Variants in EPB41L3 observed in about 807,000 individuals in gnomAD.
EPB41L3 encodes erythrocyte membrane protein band 4.1 like 3.
A neutral mutation model predicts 127.1 loss-of-function variants in EPB41L3; 57 were observed. The ratio of observed to expected loss-of-function variants is 0.45; its 90% CI spans 0.36 to 0.56. The LOEUF (loss-of-function observed/expected upper bound fraction) is 0.56. Among genes scored for constraint, EPB41L3 ranks in the 20% least tolerant of loss-of-function variants. The pLI is 0.00. For missense variants in EPB41L3, 1,273 were observed against 1,372.2 expected, an observed-to-expected ratio of 0.93 and a Z score of 1.14; for synonymous variants, 572 against 549.5, an observed-to-expected ratio of 1.04 and a Z score of -0.57.
chr18:5,492,326 A>C (rs1224920452), intron 1 of EPB41L3, among the ~76,000 whole-genome samples: 1 of 121,654 alleles, frequency 8.2e-6, no homozygotes, highest in Non-Finnish European at 1.6e-5. Context: ...TCTCAAAAAA[A>C]TAAATACAAT....
chr18:5,494,162 C>G (rs1006588893), intron 1 of EPB41L3, among the ~76,000 whole-genome samples: 3 of 152,082 alleles, frequency 2.0e-5, no homozygotes, highest in Non-Finnish European at 4.4e-5. Context: ...GAACATTTTT[C>G]CATCCAAACC....
chr18:5,596,805 G>A (rs935207297), intron 3 of EPB41L3, among the ~76,000 whole-genome samples: 7 of 152,112 alleles, frequency 4.6e-5, no homozygotes, highest in East Asian at 1.9e-4. Context: ...GATTCTTTTC[G>A]TGAGGTCATT....
intron 1 of EPB41L3, among the ~76,000 whole-genome samples, chr18:5,527,147 A>G (rs1292872266): frequency 6.6e-6 from 1 of 152,148 alleles, no homozygotes; most frequent in East Asian, 1.9e-4. Context: ...TTATCCCAAA[A>G]AGCATAAAGA....
intron 3 of EPB41L3, among the ~76,000 whole-genome samples, chr18:5,549,850 C>G (rs797015814): frequency 1.4e-4 from 21 of 152,182 alleles, no homozygotes; most frequent in African/African-American, 5.1e-4. Context: ...GAACCGAAAA[C>G]GGGTGGAAAA....
intron 3 of EPB41L3, among the ~76,000 whole-genome samples, chr18:5,452,180 T>C (rs1168402776): frequency 6.6e-6 from 1 of 152,164 alleles, no homozygotes; most frequent in East Asian, 1.9e-4. Context: ...AGGTAATGCA[T>C]GCTGGTATGC....
chr18:5,525,191 G>C (rs755168185), intron 1 of EPB41L3, among the ~76,000 whole-genome samples: 1 of 152,126 alleles, frequency 6.6e-6, no homozygotes, highest in Non-Finnish European at 1.5e-5. Context: ...CTGGACCCAA[G>C]TAGAGCAGGC....
At chr18:5,446,652 A>G (rs1007629526) in intron 3 of EPB41L3, among the ~76,000 whole-genome samples, 6 of 152,240 alleles carry the variant, frequency 3.9e-5, no homozygotes, top group African/African-American at 1.4e-4. Context: ...AATTATGCTG[A>G]AAGCAATTAC....
intron 1 of EPB41L3, among the ~76,000 whole-genome samples, chr18:5,505,296 C>T (rs1323124595): frequency 3.3e-5 from 5 of 152,132 alleles, no homozygotes; most frequent in Admixed American, 6.5e-5. Context: ...AAAGAAAATA[C>T]AAACCAACAA....
At chr18:5,588,475 C>CAT (rs200165471) in intron 3 of EPB41L3, among the ~76,000 whole-genome samples, 3 of 151,176 alleles carry the variant, frequency 2.0e-5, no homozygotes, top group Middle Eastern at 3.2e-3. Context: ...TTTTAAATGT[C>CAT]ATATATATAC....
intron 1 of EPB41L3, among the ~76,000 whole-genome samples, chr18:5,493,773 G>C (rs76730574): frequency 4.6e-5 from 7 of 152,100 alleles, no homozygotes; most frequent in Non-Finnish European, 1.0e-4. Context: ...TCACACTTCA[G>C]TATATTCCTC....
chr18:5,553,822 T>G (rs1024409650), intron 3 of EPB41L3, among the ~76,000 whole-genome samples: 3 of 152,184 alleles, frequency 2.0e-5, no homozygotes, highest in Non-Finnish European at 4.4e-5. Context: ...GAAGATACTG[T>G]CAGCCTGGTA....
In EPB41L3 at chr18:5,495,553, C is replaced by G. The variant is rs2091083405; in HGVS notation, c.-11-6359G>C. On this transcript the variant is annotated intron_variant, in intron 1 of 22. Transcript: ENST00000341928. ...CACAGCCCAGAGAGGGGGCTTTAAC[C>G]AAGTCTGTGGGGACAGAAAGGATTT... Among the ~76,000 whole-genome samples the G allele has an allele frequency of 2.0e-5, 3 of 151,790 alleles. No homozygotes were observed. In the South Asian group the frequency reaches 6.2e-4, roughly 32 times the overall value.
At chr18:5,629,604 C>A (rs369138658), upstream of EPB41L3, among the ~76,000 whole-genome samples, 680 of 152,252 alleles carry the variant, frequency 4.5e-3, 4 homozygotes, top group African/African-American at 0.015. Flanking sequence ...GCCCCCCCCT[C>A]CCCCGCGTTT....
intron 3 of EPB41L3, among the ~76,000 whole-genome samples, chr18:5,583,620 T>G (rs770256279): frequency 5.3e-5 from 8 of 152,234 alleles, no homozygotes; most frequent in Non-Finnish European, 1.0e-4. Context: ...TACGTCAACA[T>G]GTCTGAAATC....
intron 19 of EPB41L3, 97 bp from the exon 20 acceptor site, chr18:5,395,804 C>CT: frequency 3.4e-6 from 3 of 892,238 alleles, no homozygotes; most frequent in Non-Finnish European, 5.5e-6. Flanking sequence ...ATTTCACTAT[C>CT]TCCTATTATG....
chr18:5,580,178 G>A (rs1307505334), intron 3 of EPB41L3, among the ~76,000 whole-genome samples: 1 of 152,098 alleles, frequency 6.6e-6, no homozygotes, highest in Non-Finnish European at 1.5e-5. Flanking sequence ...AAATACATAT[G>A]TATACATATA....
chr18:5,529,330 A>G (rs1302660480), intron 1 of EPB41L3, among the ~76,000 whole-genome samples: 1 of 98,468 alleles, frequency 1.0e-5, no homozygotes. Context: ...ACATACATAT[A>G]TATATATATA....
chr18:5,592,368 T>C (rs1367940002), intron 3 of EPB41L3, among the ~76,000 whole-genome samples: 1 of 152,188 alleles, frequency 6.6e-6, no homozygotes, highest in Non-Finnish European at 1.5e-5. Context: ...GGTTTCACCA[T>C]GTTGGTCAGG....
chr18:5,574,921 C>T (rs978474599), intron 3 of EPB41L3, among the ~76,000 whole-genome samples: 1 of 152,110 alleles, frequency 6.6e-6, no homozygotes, highest in Non-Finnish European at 1.5e-5. Flanking sequence ...AGCCAATCAC[C>T]AAACCTGGGA....
Sources: allele counts gnomAD v4.1 joint callset (sites outside exome capture counted in the v4.1 genomes callset), GRCh38; gene constraint gnomAD v4.1.1; transcripts MANE v1.5; gene names NCBI Gene and HGNC (gene_info 2026-07-23, HGNC 2026-07-21).